Variants in AGBL4 observed in about 807,000 individuals in gnomAD.
AGBL4 encodes the protein AGBL carboxypeptidase 4, also known as cytosolic carboxypeptidase 6.
AGBL4 carries 58 observed loss-of-function variants against 66.4 expected under a neutral mutation model. That is an observed-to-expected ratio of 0.87 (90% confidence interval 0.71 to 1.09). The LOEUF is 1.09. Among genes scored for constraint, AGBL4 ranks in the 50% least tolerant of loss-of-function variants. The pLI, the probability that AGBL4 is intolerant of heterozygous loss-of-function variation, is 0.00. For synonymous variants in AGBL4, 234 were observed against 222.9 expected, an observed-to-expected ratio of 1.05 and a Z score of -0.44; for missense variants, 579 against 631.0, an observed-to-expected ratio of 0.92 and a Z score of 0.88.
At chr1:49,838,446 A>C (rs1207171184) in intron 2 of AGBL4, among the ~76,000 whole-genome samples, 3 of 152,230 alleles carry the variant, frequency 2.0e-5, no homozygotes, top group Non-Finnish European at 4.4e-5. Context: ...GATTTTCAGA[A>C]TTTTGTCCCT....
intron 4 of AGBL4, among the ~76,000 whole-genome samples, chr1:49,118,450 C>G (rs915584469): frequency 6.6e-6 from 1 of 151,932 alleles, no homozygotes; most frequent in African/African-American, 2.4e-5. Context: ...TTGTCAAAGC[C>G]CTTTTCTGCG....
At chr1:49,511,430 G>A (rs1649236239) in intron 3 of AGBL4, among the ~76,000 whole-genome samples, 1 of 126,580 alleles carries the variant, frequency 7.9e-6, no homozygotes, top group South Asian at 2.6e-4. Flanking sequence ...ACAGGAAGGG[G>A]AACATCACAC....
intron 11 of AGBL4, among the ~76,000 whole-genome samples, chr1:48,571,368 C>T (rs1003715772): frequency 5.9e-5 from 9 of 152,236 alleles, no homozygotes; most frequent in African/African-American, 1.9e-4. Context: ...CATAGCTGGG[C>T]TGAAAGATGT....
At chr1:48,787,218 T>G (rs1645430862) in intron 6 of AGBL4, among the ~76,000 whole-genome samples, 1 of 152,122 alleles carries the variant, frequency 6.6e-6, no homozygotes, top group African/African-American at 2.4e-5. Flanking sequence ...CTAGCCTCAT[T>G]GACAGGATTT....
chr1:49,376,586 C>T (rs1010264562), intron 3 of AGBL4, among the ~76,000 whole-genome samples: 1 of 152,088 alleles, frequency 6.6e-6, no homozygotes, highest in Non-Finnish European at 1.5e-5. Context: ...TGATGATTCT[C>T]TTAAACCTGA....
chr1:49,342,709 G>T (rs1170008724), intron 3 of AGBL4, among the ~76,000 whole-genome samples: 1 of 152,146 alleles, frequency 6.6e-6, no homozygotes, highest in Non-Finnish European at 1.5e-5. Flanking sequence ...CCAGCTTAGG[G>T]AATGAGTCCT....
intron 2 of AGBL4, among the ~76,000 whole-genome samples, chr1:49,789,320 T>A (rs184058012): frequency 4.6e-5 from 7 of 152,264 alleles, no homozygotes; most frequent in Non-Finnish European, 1.0e-4. Flanking sequence ...GTTGTGTCTC[T>A]GCCAGGTTAT....
intron 9 of AGBL4, among the ~76,000 whole-genome samples, chr1:48,605,445 C>T (rs902399379): frequency 2.0e-5 from 3 of 152,196 alleles, no homozygotes; most frequent in African/African-American, 7.2e-5. Context: ...GAACACCTTG[C>T]CCTGCCCAGC....
chr1:49,587,846 TTTA>T lies in AGBL4; in HGVS notation c.282+109464_282+109466del, dbSNP rs377603416. 4.6e-5 allele frequency among the ~76,000 whole-genome samples: 7 copies of T among 151,952 alleles called. No individual in the cohort carries two copies. The East Asian group carries it at 7.7e-4, about 17-fold the overall frequency. On this transcript the variant is annotated intron_variant, in intron 3 of 13. Coordinates refer to ENST00000371839, the MANE Select transcript of AGBL4 (RefSeq NM_032785.4). ...ATGCAGCAAGGCAGTGATTTTTAAA[TTTA>T]TTATTATTATTATTATTTTCATAAT...
chr1:49,801,913 T>C (rs1401739005), intron 2 of AGBL4, among the ~76,000 whole-genome samples: 1 of 151,966 alleles, frequency 6.6e-6, no homozygotes, highest in Non-Finnish European at 1.5e-5. Context: ...AGCTATGTGT[T>C]TTTAGAAGTG....
At chr1:48,592,368 C>T (rs975194964) in intron 9 of AGBL4, among the ~76,000 whole-genome samples, 1 of 152,152 alleles carries the variant, frequency 6.6e-6, no homozygotes, top group East Asian at 1.9e-4. Flanking sequence ...AAATGAAAAC[C>T]ATGTTGCTTC....
intron 6 of AGBL4, among the ~76,000 whole-genome samples, chr1:48,719,581 C>T (rs1366299554): frequency 6.6e-6 from 1 of 152,212 alleles, no homozygotes; most frequent in Non-Finnish European, 1.5e-5. Context: ...CATGACTGGG[C>T]CTCTACCCAC....
At chr1:49,051,479 C>A (rs192578732) in intron 4 of AGBL4, among the ~76,000 whole-genome samples, 1 of 152,238 alleles carries the variant, frequency 6.6e-6, no homozygotes, top group Non-Finnish European at 1.5e-5. Context: ...CATGTAGTTT[C>A]TCAGGCATAT....
intron 3 of AGBL4, among the ~76,000 whole-genome samples, chr1:49,289,435 A>G (rs1469744767): frequency 6.6e-6 from 1 of 152,196 alleles, no homozygotes; most frequent in African/African-American, 2.4e-5. Flanking sequence ...TTCTATTTAT[A>G]AAAAGCGATA....
chr1:49,440,521 T>C (rs373482370), intron 3 of AGBL4, among the ~76,000 whole-genome samples: 2 of 152,294 alleles, frequency 1.3e-5, no homozygotes, highest in African/African-American at 4.8e-5. Flanking sequence ...TTTGACCATA[T>C]GTGGAGAACC....
At chr1:49,721,136 C>T (rs1324931779) in intron 2 of AGBL4, among the ~76,000 whole-genome samples, 1 of 152,058 alleles carries the variant, frequency 6.6e-6, no homozygotes, top group Non-Finnish European at 1.5e-5. Context: ...ATGCACCAAT[C>T]AGAAAGATCC....
At chr1:49,251,533 G>C (rs1303421643) in intron 3 of AGBL4, among the ~76,000 whole-genome samples, 3 of 152,156 alleles carry the variant, frequency 2.0e-5, no homozygotes, top group Non-Finnish European at 4.4e-5. Context: ...ACCCAGACCT[G>C]TGCCAGCCAG....
At chr1:49,114,765 G>C (rs1211225637) in intron 4 of AGBL4, among the ~76,000 whole-genome samples, 2 of 152,078 alleles carry the variant, frequency 1.3e-5, no homozygotes, top group Non-Finnish European at 2.9e-5. Context: ...CCTGAGGTGA[G>C]GAAGGAGAAG....
At chr1:49,758,024 C>T (rs934680568) in intron 2 of AGBL4, among the ~76,000 whole-genome samples, 1 of 152,124 alleles carries the variant, frequency 6.6e-6, no homozygotes, top group African/African-American at 2.4e-5. Flanking sequence ...CAGGGCAATC[C>T]CCAGCTCTGT....
Sources: allele counts gnomAD v4.1 joint callset (sites outside exome capture counted in the v4.1 genomes callset), GRCh38; gene constraint gnomAD v4.1.1; transcripts MANE v1.5; gene names NCBI Gene and HGNC (gene_info 2026-07-23, HGNC 2026-07-21).